RBBP4: variants seen among roughly 807,000 people sequenced by gnomAD.
RBBP4 encodes the protein histone-binding protein RBBP4.
Under a neutral mutation model 57.2 loss-of-function variants are expected in RBBP4, and 3 were observed. The observed-to-expected ratio is 0.05, with a 90% CI of 0.02 to 0.14. RBBP4 has a LOEUF of 0.14. Among genes scored for constraint, RBBP4 ranks in the 10% least tolerant of loss-of-function variants. The pLI, the probability that RBBP4 is intolerant of heterozygous loss-of-function variation, is 1.00. For missense variants in RBBP4, 107 were observed against 520.6 expected, an observed-to-expected ratio of 0.21 and a Z score of 7.73; for synonymous variants, 151 against 171.5, an observed-to-expected ratio of 0.88 and a Z score of 0.93.
intron 2 of RBBP4, among the ~76,000 whole-genome samples, chr1:32,656,640 C>T (rs149399728): frequency 2.3e-3 from 349 of 152,312 alleles, no homozygotes; most frequent in African/African-American, 8.1e-3. Context: ...GTGTGAGCCA[C>T]CATGCCTGGC....
intron 10 of RBBP4, 36 bp from the exon 11 acceptor site, chr1:32,672,755 C>T (rs1458581151): frequency 6.4e-7 from 1 of 1,567,886 alleles, no homozygotes; most frequent in Non-Finnish European, 8.7e-7. Flanking sequence ...TGTCCTCTAT[C>T]TGCATTTCAC....
chr1:32,676,391 G>T (rs1050742796), intron 11 of RBBP4, among the ~76,000 whole-genome samples: 2 of 152,080 alleles, frequency 1.3e-5, no homozygotes, highest in African/African-American at 4.8e-5. Flanking sequence ...GATCACCTGA[G>T]GTCAGTAGTT....
chr1:32,668,650 T>A, intron 4 of RBBP4, 89 bp from the exon 5 acceptor site: 6 of 1,066,674 alleles, frequency 5.6e-6, no homozygotes, highest in Non-Finnish European at 8.5e-6. Context: ...TGTTAAGAGC[T>A]TTAGACATCT....
intron 8 of RBBP4, 58 bp from the exon 9 acceptor site, chr1:32,672,391 AT>A: frequency 7.4e-7 from 1 of 1,353,996 alleles, no homozygotes; most frequent in Non-Finnish European, 1.0e-6. Flanking sequence ...TATTTTGTGA[AT>A]TTTTTCCCTT....
At position 32,674,257 on chromosome 1, in the gene RBBP4, A is replaced by G. The variant is rs574946179; in HGVS notation, c.1212+1356A>G. On this transcript the variant is annotated intron_variant, in intron 11 of 11. Transcript: ENST00000373493. ...TTGCGACAATTTGGAGGTGGAAGAC[A>G]GTTTCTTGCTCTGTTGTTCAGGCTA... 7.2e-5 allele frequency among the ~76,000 whole-genome samples: 11 copies of G among 152,250 alleles called. No homozygotes were observed. In the South Asian group the frequency reaches 8.3e-4, roughly 11 times the overall value.
chr1:32,664,981 T>A (rs895929156), intron 3 of RBBP4, among the ~76,000 whole-genome samples: 97 of 152,004 alleles, frequency 6.4e-4, no homozygotes, highest in East Asian at 3.1e-3. Flanking sequence ...CTAAAAAAAA[T>A]AATAATAATA....
At chr1:32,665,457 T>C (rs1648603115) in intron 3 of RBBP4, among the ~76,000 whole-genome samples, 3 of 152,018 alleles carry the variant, frequency 2.0e-5, no homozygotes, top group African/African-American at 7.2e-5. Context: ...GCGGGTAGAT[T>C]ATCTGATGTC....
At chr1:32,666,687 ATG>A (rs1164288786) in intron 3 of RBBP4, among the ~76,000 whole-genome samples, 2 of 152,170 alleles carry the variant, frequency 1.3e-5, no homozygotes, top group Non-Finnish European at 2.9e-5. Flanking sequence ...TTTTTGAAGT[ATG>A]TGGGCGAAGG....
chr1:32,681,886 T>C lies in RBBP4; in HGVS notation c.*2181T>C, dbSNP rs1168217579. The C allele has an allele frequency of 6.2e-7, 1 of 1,604,424 alleles. No individual in the cohort carries two copies. Among genetic ancestry groups the C allele is most frequent in the Non-Finnish European group, 8.5e-7 (1 of 1,171,308 alleles). On this transcript the variant is annotated 3_prime_UTR_variant, in exon 12 of 12. Transcript: ENST00000373493. ...CTGTAAAGTTGAAAGAAAAAGTTTA[T>C]AACAGTGAACTTCTGAGGTTTAGTT...
intron 11 of RBBP4, among the ~76,000 whole-genome samples, chr1:32,673,295 A>G (rs1403222588): frequency 6.6e-6 from 1 of 152,142 alleles, no homozygotes; most frequent in African/African-American, 2.4e-5. Flanking sequence ...CCATCTTATC[A>G]TCTTACAAGT....
chr1:32,684,311 G>C lies in RBBP4; in HGVS notation c.*4606G>C. The C allele has an allele frequency of 6.2e-7, 1 of 1,614,124 alleles. No homozygotes were observed. Among genetic ancestry groups the C allele is most frequent in the Non-Finnish European group, 8.5e-7 (1 of 1,180,024 alleles). On this transcript the variant is annotated 3_prime_UTR_variant, in exon 12 of 12. Transcript: ENST00000373493. Reference sequence around the variant, plus strand: ...TGAGCCTTAGCTGTTCCATCTCTTTGTTCTTCTGTTGCTGGAGTTGCACCC... The same window carrying C: ...TGAGCCTTAGCTGTTCCATCTCTTTCTTCTTCTGTTGCTGGAGTTGCACCC...
At chr1:32,668,630 C>T (rs565890234) in intron 4 of RBBP4, 109 bp from the exon 5 acceptor site, 3 of 912,010 alleles carry the variant, frequency 3.3e-6, no homozygotes, top group South Asian at 1.6e-5. Flanking sequence ...GTTCCTATAT[C>T]ATTTATAAAT....
At position 32,676,205 on chromosome 1, in the gene RBBP4, G is replaced by T. The variant is rs137897143; in HGVS notation, c.1212+3304G>T. 3.9e-3 allele frequency among the ~76,000 whole-genome samples: 592 copies of T among 152,218 alleles called. 5 individuals carry two copies. Among genetic ancestry groups the T allele is most frequent in the African/African-American group, 0.014 (575 of 41,534 alleles). On this transcript the variant is annotated intron_variant, in intron 11 of 11. Coordinates refer to ENST00000373493, the MANE Select transcript of RBBP4 (RefSeq NM_005610.3). ...GAAGAAAAGAAAGAAGTACGGTTAG[G>T]GTTATAAGATATTCATGACATGCTG...
In RBBP4 at chr1:32,651,264, C is replaced by T. The variant is rs1647569616; in HGVS notation, c.-43C>T. On this transcript the variant is annotated 5_prime_UTR_variant, in exon 1 of 12. Transcript: ENST00000373493. The stretch of plus-strand genomic sequence containing the variant: ...GCTCTTGCAGCCTCCCCGCCCCTCC[C>T]GCAACGCTCGACCCCAGGATTCCCC... The T allele has an allele frequency of 7.3e-6, 11 of 1,507,692 alleles. No homozygotes were observed. In the East Asian group the frequency reaches 8.3e-5, roughly 11 times the overall value. The allele number at this position is 1,507,692 out of a possible 1,614,324, so 93.4% of individuals were successfully genotyped here. A position where few individuals can be genotyped will look rare whatever the true frequency, so the allele number is the denominator to read the frequency against.
intron 4 of RBBP4, 25 bp from the exon 5 acceptor site, chr1:32,668,714 T>C (rs1242943733): frequency 6.3e-7 from 1 of 1,585,068 alleles, no homozygotes; most frequent in South Asian, 1.1e-5. Context: ...GACTGGGTAG[T>C]CTTGATGTGT....
At chr1:32,674,056 G>A (rs896609508) in intron 11 of RBBP4, among the ~76,000 whole-genome samples, 1 of 152,174 alleles carries the variant, frequency 6.6e-6, no homozygotes, top group African/African-American at 2.4e-5. Context: ...AGCCAAGATT[G>A]CGTCACTGCA....
intron 3 of RBBP4, among the ~76,000 whole-genome samples, chr1:32,659,203 T>C (rs1313835218): frequency 6.6e-6 from 1 of 150,380 alleles, no homozygotes; most frequent in Non-Finnish European, 1.5e-5. Context: ...CACATATATG[T>C]GGTTTTACAT....
chr1:32,663,946 A>G (rs1648534347), intron 3 of RBBP4, among the ~76,000 whole-genome samples: 1 of 146,182 alleles, frequency 6.8e-6, no homozygotes, highest in African/African-American at 2.5e-5. Flanking sequence ...TTCTTTTTTG[A>G]GATGGAGTCT....
intron 3 of RBBP4, among the ~76,000 whole-genome samples, chr1:32,667,112 C>G (rs1157452256): frequency 1.3e-5 from 2 of 152,196 alleles, no homozygotes; most frequent in East Asian, 3.8e-4. Context: ...CACCAACCAG[C>G]TTCTTGTGGG....
Sources: gnomAD v4.1 joint callset for allele counts (sites outside exome capture counted in the v4.1 genomes callset) on GRCh38, gnomAD v4.1.1 for gene constraint, MANE v1.5 for transcripts, NCBI Gene and HGNC (gene_info 2026-07-23, HGNC 2026-07-21) for gene names.